The following CFLAR variants were observed in gnomAD, a reference collection of about 807,000 sequenced individuals.
CFLAR encodes the protein CASP8 and FADD-like apoptosis regulator.
CFLAR carries 14 observed loss-of-function variants against 51.1 expected under a neutral mutation model. The ratio of observed to expected loss-of-function variants is 0.27; its 90% CI spans 0.18 to 0.43. The LOEUF (loss-of-function observed/expected upper bound fraction) is 0.43. CFLAR is among the 20% of genes least tolerant of loss of function. CFLAR has a pLI of 1.00. For synonymous variants in CFLAR, 210 were observed against 211.6 expected, an observed-to-expected ratio of 0.99 and a Z score of 0.06; for missense variants, 390 against 566.5, an observed-to-expected ratio of 0.69 and a Z score of 3.16.
At chr2:201,157,595 C>G (rs1942391964) in intron 8 of CFLAR, among the ~76,000 whole-genome samples, 1 of 152,096 alleles carries the variant, frequency 6.6e-6, no homozygotes, top group Admixed American at 6.5e-5. Flanking sequence ...AGGGTGGTCT[C>G]AAACTCCTGA....
rs1416670145 is a variant in CFLAR at position 201,116,309 on chromosome 2, A to C, written c.-310A>C. The C allele has an allele frequency of 6.6e-6, 1 of 152,250 alleles. No individual in the cohort carries two copies. The allele number at this position is 152,250 out of a possible 1,614,324, so 9.4% of individuals were successfully genotyped here. A position where few individuals can be genotyped will look rare whatever the true frequency, so the allele number is the denominator to read the frequency against. The stretch of plus-strand genomic sequence containing the variant: ...TTTGTCCAGTGACAGCTGAGACAAC[A>C]AGGACCACGGGAGGAGGTGTAGGAG... On this transcript the variant is annotated 5_prime_UTR_variant, in exon 1 of 10. Transcript: ENST00000309955. The surrounding 1 kb of genome is among the most constrained non-coding windows in gnomAD (Gnocchi z 4.8).
At chr2:201,120,873 A>G (rs1251242463) in intron 1 of CFLAR, among the ~76,000 whole-genome samples, 1 of 152,196 alleles carries the variant, frequency 6.6e-6, no homozygotes, top group Non-Finnish European at 1.5e-5. Flanking sequence ...GGTACCTGAC[A>G]GTCTCTTGCT....
At chr2:201,132,163 C>T (rs1327647905) in intron 2 of CFLAR, among the ~76,000 whole-genome samples, 1 of 152,016 alleles carries the variant, frequency 6.6e-6, no homozygotes, top group Non-Finnish European at 1.5e-5. Context: ...TTCAGGCCCT[C>T]TGGGAAGGGT....
chr2:201,129,102 G>T (rs1432598918), intron 1 of CFLAR, among the ~76,000 whole-genome samples: 2 of 152,108 alleles, frequency 1.3e-5, no homozygotes, highest in Non-Finnish European at 2.9e-5. Context: ...TTGGTGGCAG[G>T]TTCTGTGAGC....
Position 201,138,769 on chromosome 2 carries a change from G to A in CFLAR, c.524-1588G>A. 1.3e-6 allele frequency: 1 copy of A among 769,384 alleles called. No individual in the cohort carries two copies. Among genetic ancestry groups the A allele is most frequent in the Non-Finnish European group, 2.4e-6 (1 of 419,874 alleles). 47.7% of individuals were successfully genotyped at this position (769,384 alleles called of 1,614,324 possible). A position where few individuals can be genotyped will look rare whatever the true frequency, so the allele number is the denominator to read the frequency against. On this transcript the variant is annotated intron_variant, in intron 4 of 9. Transcript: ENST00000309955. This position sits in a 1 kb window ranked among gnomAD's most constrained non-coding sequence, Gnocchi z 4.0. Reference sequence around the variant, plus strand: ...TGCACCTCACTGGCCTGGAACTCTGGGGTGCAGTTGTGGTGAATGAAACCA... The same window carrying A: ...TGCACCTCACTGGCCTGGAACTCTGAGGTGCAGTTGTGGTGAATGAAACCA...
At chr2:201,161,920 T>C (rs920268435) in intron 9 of CFLAR, among the ~76,000 whole-genome samples, 2 of 151,644 alleles carry the variant, frequency 1.3e-5, no homozygotes, top group African/African-American at 4.8e-5. Context: ...CTAATTTTTG[T>C]ATTTTTAGTG....
intron 5 of CFLAR, among the ~76,000 whole-genome samples, chr2:201,145,002 G>A (rs187726133): frequency 1.3e-5 from 2 of 152,132 alleles, no homozygotes; most frequent in African/African-American, 2.4e-5. Context: ...ACAGGGGCAC[G>A]CCACCATGCC....
chr2:201,157,468 T>A (rs1942366966), intron 8 of CFLAR, among the ~76,000 whole-genome samples: 1 of 152,010 alleles, frequency 6.6e-6, no homozygotes, highest in South Asian at 2.1e-4. Flanking sequence ...AAGAACCTCC[T>A]GCTCAAGAGA....
chr2:201,155,301 C>T (rs1941976148), intron 8 of CFLAR, among the ~76,000 whole-genome samples: 1 of 151,004 alleles, frequency 6.6e-6, no homozygotes, highest in Non-Finnish European at 1.5e-5. Flanking sequence ...CTCGCTCTGT[C>T]ACCCAGGCTA....
At position 201,118,166 on chromosome 2, in the gene CFLAR, T is replaced by C. The variant is rs1302662471; in HGVS notation, c.-138+1685T>C. 1.3e-5 allele frequency among the ~76,000 whole-genome samples: 2 copies of C among 152,266 alleles called. No individual in the cohort carries two copies. Among genetic ancestry groups the C allele is most frequent in the Non-Finnish European group, 2.9e-5 (2 of 68,042 alleles). ...TTAATACTTGCTTTACTTAAGCTTT[T>C]GGGTCAAATGTCCTCGTTAAAATGG... On this transcript the variant is annotated intron_variant, in intron 1 of 9. Coordinates refer to ENST00000309955, the MANE Select transcript of CFLAR (RefSeq NM_003879.7). The surrounding 1 kb of genome is among the most constrained non-coding windows in gnomAD (Gnocchi z 5.1).
intron 8 of CFLAR, among the ~76,000 whole-genome samples, chr2:201,152,111 C>T (rs1575847157): frequency 1.3e-5 from 2 of 151,986 alleles, no homozygotes; most frequent in Admixed American, 1.3e-4. Flanking sequence ...CTCAGCCTCC[C>T]GAGTACATCC....
chr2:201,145,646 A>G (rs760211076), intron 6 of CFLAR: 7 of 497,010 alleles, frequency 1.4e-5, no homozygotes, highest in Non-Finnish European at 2.1e-5. Flanking sequence ...GTACTCCATC[A>G]GCTTCATCAT....
At chr2:201,139,443 T>C (rs1220332244) in intron 4 of CFLAR, 2 of 156,128 alleles carry the variant, frequency 1.3e-5, no homozygotes, top group Non-Finnish European at 2.8e-5. Context: ...CTGAGGAGGA[T>C]TAGTAAAAGA....
In CFLAR at chr2:201,169,383, TG is replaced by T. The variant is rs1293108998; in HGVS notation, c.*5412del. On this transcript the variant is annotated 3_prime_UTR_variant, in exon 10 of 10. Transcript: ENST00000309955. ...GGGAAAAGATTCCCTATTTAATAAA[TG>T]GTGCTGGGAAAACTGGCTAGCCATA... 6.6e-6 allele frequency: 1 copy of T among 152,184 alleles called. No individual in the cohort carries two copies. The highest frequency in any genetic ancestry group is 2.4e-5 in the African/African-American group (1 of 41,442). The allele number at this position is 152,184 out of a possible 1,614,324, so 9.4% of individuals were successfully genotyped here. A position where few individuals can be genotyped will look rare whatever the true frequency, so the allele number is the denominator to read the frequency against.
chr2:201,134,666 T>G (rs558345758), intron 3 of CFLAR, among the ~76,000 whole-genome samples: 9 of 149,658 alleles, frequency 6.0e-5, no homozygotes, highest in Admixed American at 6.0e-4. Flanking sequence ...TAAAATAAAA[T>G]AAAATAAAAT....
At chr2:201,129,214 G>A (rs1315528474) in intron 1 of CFLAR, 2 of 152,276 alleles carry the variant, frequency 1.3e-5, no homozygotes, top group East Asian at 3.8e-4. Flanking sequence ...AGAGCAACTA[G>A]AAAAAAGGAG....
rs1318151263 is a variant in CFLAR, at chr2:201,170,638, C to T, written c.*6665C>T. 2.0e-5 allele frequency: 3 copies of T among 152,150 alleles called. No individual in the cohort carries two copies. Among genetic ancestry groups the T allele is most frequent in the Non-Finnish European group, 4.4e-5 (3 of 68,016 alleles). 9.4% of individuals were successfully genotyped at this position (152,150 alleles called of 1,614,324 possible). On this transcript the variant is annotated 3_prime_UTR_variant, in exon 10 of 10. Transcript: ENST00000309955. Reference sequence around the variant, plus strand: ...AATTTCTTTTTAAATCTGTTATTCTCCACCACCACTCAATCTGTCTATCAT... The same window carrying T: ...AATTTCTTTTTAAATCTGTTATTCTTCACCACCACTCAATCTGTCTATCAT...
At chr2:201,156,735 A>C (rs2125905524) in intron 8 of CFLAR, among the ~76,000 whole-genome samples, 3 of 136,904 alleles carry the variant, frequency 2.2e-5, no homozygotes, top group Admixed American at 7.3e-5. Flanking sequence ...ACCCCCCCAC[A>C]TCATTTCCAG....
At chr2:201,129,415 T>C (rs2125657828) in intron 1 of CFLAR, 1 of 220,308 alleles carries the variant, frequency 4.5e-6, no homozygotes, top group East Asian at 9.4e-5. Flanking sequence ...ATTAAACCCT[T>C]AGTTGTAATT....
Sources: allele counts gnomAD v4.1 joint callset (sites outside exome capture counted in the v4.1 genomes callset), GRCh38; gene constraint gnomAD v4.1.1; non-coding constraint Gnocchi (gnomAD v3.1); transcripts MANE v1.5; gene names NCBI Gene and HGNC (gene_info 2026-07-23, HGNC 2026-07-21).